The following CUX2 variants were observed in gnomAD, a reference collection of about 807,000 sequenced individuals.
CUX2 encodes cut like homeobox 2.
CUX2 carries 40 observed loss-of-function variants against 144.8 expected under a neutral mutation model. The ratio of observed to expected loss-of-function variants is 0.28; its 90% CI spans 0.21 to 0.36. The LOEUF (loss-of-function observed/expected upper bound fraction) is 0.36. Ranked by LOEUF, CUX2 falls within the 10% of genes least tolerant of loss-of-function variation. The pLI is 1.00. For synonymous variants in CUX2, 827 were observed against 875.6 expected, an observed-to-expected ratio of 0.94 and a Z score of 0.98; for missense variants, 1,615 against 1,994.0, an observed-to-expected ratio of 0.81 and a Z score of 3.62.
At chr12:111,129,276 T>G (rs1024701124) in intron 1 of CUX2, among the ~76,000 whole-genome samples, 6 of 152,140 alleles carry the variant, frequency 3.9e-5, no homozygotes, top group African/African-American at 1.4e-4. Context: ...TGGGCTAGGG[T>G]GAAATCTTGT....
chr12:111,323,273 A>G (rs933976134), intron 18 of CUX2, among the ~76,000 whole-genome samples: 8 of 152,232 alleles, frequency 5.3e-5, no homozygotes, highest in Non-Finnish European at 1.0e-4. Flanking sequence ...CCTGAGTCCA[A>G]GGATCTGAGC....
intron 18 of CUX2, among the ~76,000 whole-genome samples, chr12:111,327,901 C>CA (rs1484986573): frequency 6.6e-6 from 1 of 151,994 alleles, no homozygotes; most frequent in Admixed American, 6.6e-5. Context: ...TACAAAATTA[C>CA]AAAAATACAA....
chr12:111,316,044 C>CTTTTTGTGCT (rs1565913584), intron 16 of CUX2, among the ~76,000 whole-genome samples: 1 of 151,508 alleles, frequency 6.6e-6, no homozygotes, highest in Non-Finnish European at 1.5e-5. Context: ...TTGATCTTGA[C>CTTTTTGTGCT]TTTTTGTGCT....
intron 1 of CUX2, among the ~76,000 whole-genome samples, chr12:111,084,982 A>C (rs148145905): frequency 5.9e-5 from 9 of 152,298 alleles, no homozygotes; most frequent in African/African-American, 2.2e-4. Flanking sequence ...CTTGGTATTC[A>C]TTGAGCATCT....
At chr12:111,238,682 A>G (rs538361461) in intron 3 of CUX2, among the ~76,000 whole-genome samples, 1 of 152,172 alleles carries the variant, frequency 6.6e-6, no homozygotes, top group East Asian at 1.9e-4. Flanking sequence ...AGAACTACAT[A>G]ACCTAGTTTT....
At chr12:111,046,399 G>T (rs1176372332) in intron 1 of CUX2, among the ~76,000 whole-genome samples, 1 of 152,196 alleles carries the variant, frequency 6.6e-6, no homozygotes, top group African/African-American at 2.4e-5. Flanking sequence ...GCAACTTTAT[G>T]AAGGGAAAAC....
intron 3 of CUX2, among the ~76,000 whole-genome samples, chr12:111,237,763 C>T (rs549067267): frequency 2.6e-5 from 4 of 152,192 alleles, no homozygotes; most frequent in Non-Finnish European, 5.9e-5. Context: ...CCTCTTCTCA[C>T]CCGTCATTGC....
rs1203358165 is a variant in CUX2, at chr12:111,304,046, C to T, written c.754-164C>T. The T allele has an allele frequency of 1.7e-6, 1 of 589,484 alleles. No individual in the cohort carries two copies. Among genetic ancestry groups the T allele is most frequent in the African/African-American group, 1.9e-5 (1 of 54,018 alleles). 36.5% of individuals were successfully genotyped at this position (589,484 alleles called of 1,614,324 possible). A position where few individuals can be genotyped will look rare whatever the true frequency, so the allele number is the denominator to read the frequency against. On this transcript the variant is annotated intron_variant, in intron 9 of 21. Transcript: ENST00000261726. The surrounding 1 kb of genome is among the most constrained non-coding windows in gnomAD (Gnocchi z 4.7). ...TCTTGTCCCCAGCCCAGACAGGGCT[C>T]TGTGACTGGTCTTCATAGCTCCAGG...
chr12:111,099,540 A>G (rs1308893620), intron 1 of CUX2: 5 of 456,446 alleles, frequency 1.1e-5, no homozygotes, highest in Admixed American at 7.1e-5. Flanking sequence ...GTGGCCCCCT[A>G]TTTGTTGGGG....
chr12:111,144,345 A>G (rs939665036), intron 1 of CUX2, among the ~76,000 whole-genome samples: 1 of 152,190 alleles, frequency 6.6e-6, no homozygotes, highest in African/African-American at 2.4e-5. Flanking sequence ...TTCCGGAGCC[A>G]TCAGTAAAAC....
chr12:111,114,569 G>C (rs1178679373), intron 1 of CUX2, among the ~76,000 whole-genome samples: 1 of 152,190 alleles, frequency 6.6e-6, no homozygotes. Context: ...TGAAAGTGCA[G>C]GTAAAGATGC....
chr12:111,114,997 G>C lies in CUX2; in HGVS notation c.63+80757G>C, dbSNP rs545879122. On this transcript the variant is annotated intron_variant, in intron 1 of 21. Coordinates refer to ENST00000261726, the MANE Select transcript of CUX2 (RefSeq NM_015267.4). ...GCATCTAGGTGTGGATCTATTTCTT[G>C]GCATTTTATTCTTTTTCATTGATCA... is the stretch of plus-strand genomic sequence containing the variant. Among the ~76,000 whole-genome samples the C allele has an allele frequency of 1.2e-4, 18 of 151,962 alleles. 3 individuals are homozygous for C. In the South Asian group the frequency reaches 3.8e-3, roughly 32 times the overall value.
At position 111,304,548 on chromosome 12, in the gene CUX2, C is replaced by T. The variant is rs114255776; in HGVS notation, c.858+234C>T. Among the ~76,000 whole-genome samples, 286 of 152,310 alleles carry T rather than the reference C, an allele frequency of 1.9e-3. No individual in the cohort carries two copies. The highest frequency in any genetic ancestry group is 6.4e-3 in the African/African-American group (268 of 41,568). On this transcript the variant is annotated intron_variant, in intron 10 of 21. Coordinates refer to ENST00000261726, the MANE Select transcript of CUX2 (RefSeq NM_015267.4). This position sits in a 1 kb window ranked among gnomAD's most constrained non-coding sequence, Gnocchi z 4.7. ...TACAGTTCTTTACTTTTCAAGCCCA[C>T]GTTTCCATATACCCTTTATTACCAG... is the stretch of plus-strand genomic sequence containing the variant.
intron 1 of CUX2, among the ~76,000 whole-genome samples, chr12:111,047,062 G>A (rs1404097363): frequency 6.6e-6 from 1 of 152,228 alleles, no homozygotes; most frequent in Non-Finnish European, 1.5e-5. Flanking sequence ...GGGAAGGTGA[G>A]AGAAAGCTCC....
intron 1 of CUX2, among the ~76,000 whole-genome samples, chr12:111,148,794 C>T (rs1295987425): frequency 1.3e-5 from 2 of 152,094 alleles, no homozygotes; most frequent in Non-Finnish European, 1.5e-5. Flanking sequence ...CCCATGAGTT[C>T]GAGACCAGCC....
intron 1 of CUX2, among the ~76,000 whole-genome samples, chr12:111,041,180 A>C (rs1024210179): frequency 6.6e-6 from 1 of 152,216 alleles, no homozygotes; most frequent in Non-Finnish European, 1.5e-5. Context: ...TTTGTCTTTA[A>C]ATGGGACTAA....
intron 10 of CUX2, among the ~76,000 whole-genome samples, chr12:111,306,176 T>G (rs1239828323): frequency 6.6e-6 from 1 of 152,174 alleles, no homozygotes; most frequent in African/African-American, 2.4e-5. Context: ...CAGGGAACTT[T>G]GCTGGTTTGG....
At chr12:111,155,620 C>CTG (rs1352963652) in intron 1 of CUX2, among the ~76,000 whole-genome samples, 2 of 152,170 alleles carry the variant, frequency 1.3e-5, no homozygotes, top group Non-Finnish European at 2.9e-5. Flanking sequence ...GGAAACCACC[C>CTG]TAGCCTCTGT....
At chr12:111,313,689 G>C (rs1887021439) in intron 16 of CUX2, among the ~76,000 whole-genome samples, 1 of 152,062 alleles carries the variant, frequency 6.6e-6, no homozygotes, top group Admixed American at 6.6e-5. Context: ...CCTTTCTTAG[G>C]GTTGTGTGAG....
Sources: gnomAD v4.1 joint callset for allele counts (sites outside exome capture counted in the v4.1 genomes callset) on GRCh38, gnomAD v4.1.1 for gene constraint, Gnocchi (gnomAD v3.1) non-coding constraint, MANE v1.5 for transcripts, NCBI Gene and HGNC (gene_info 2026-07-23, HGNC 2026-07-21) for gene names.